Variants in HS6ST3 observed in about 807,000 individuals in gnomAD.
The protein encoded by HS6ST3 is heparan-sulfate 6-O-sulfotransferase 3.
HS6ST3 carries 12 observed loss-of-function variants against 36.7 expected under a neutral mutation model. That is an observed-to-expected ratio of 0.33 (90% CI 0.21 to 0.53). HS6ST3 has a LOEUF of 0.53. HS6ST3 is among the 20% of genes least tolerant of loss of function. HS6ST3 has a pLI of 0.95. For synonymous variants in HS6ST3, 240 were observed against 257.5 expected (o/e 0.93, Z 0.65); for missense variants, 584 against 640.9 (o/e 0.91, Z 0.96).
chr13:96,173,123 TGATA>T (rs2054195968), intron 1 of HS6ST3, among the ~76,000 whole-genome samples: 2 of 152,192 alleles, frequency 1.3e-5, no homozygotes, highest in South Asian at 2.1e-4. Context: ...GAGTCATTGC[TGATA>T]GATATATGTG....
In HS6ST3 at chr13:96,411,315, G is replaced by A. The variant is rs141282844; in HGVS notation, c.707+319746G>A. ...AGCCTGGGAACAGGTGGCTGCAGAGGAGAGAGCATCAAAGCCACACAGAGG... is the reference window on the plus strand; with the variant it reads ...AGCCTGGGAACAGGTGGCTGCAGAGAAGAGAGCATCAAAGCCACACAGAGG... On this transcript the variant is annotated intron_variant, in intron 1 of 1. Transcript: ENST00000376705. Among the ~76,000 whole-genome samples the A allele has an allele frequency of 1.4e-3, 211 of 152,294 alleles. 1 individual carries two copies. Among genetic ancestry groups the A allele is most frequent in the African/African-American group, 4.6e-3 (191 of 41,552 alleles).
At chr13:96,345,617 C>T (rs1594758827) in intron 1 of HS6ST3, among the ~76,000 whole-genome samples, 1 of 152,176 alleles carries the variant, frequency 6.6e-6, no homozygotes, top group African/African-American at 2.4e-5. Flanking sequence ...TCTGTGGCAG[C>T]AATCCCCAAC....
chr13:96,437,889 G>A lies in HS6ST3; in HGVS notation c.707+346320G>A, dbSNP rs2055650943. 2.6e-5 allele frequency among the ~76,000 whole-genome samples: 4 copies of A among 152,174 alleles called. No homozygotes were observed. The South Asian group carries it at 8.3e-4, about 32-fold the overall frequency. On this transcript the variant is annotated intron_variant, in intron 1 of 1. Transcript: ENST00000376705. ...TTCATGTTAAAAAGTATGAGGATTG[G>A]TCTCTTTTCTAATTTTTCTTTCTTG...
chr13:96,807,944 A>G (rs1478279202), intron 1 of HS6ST3, among the ~76,000 whole-genome samples: 2 of 152,128 alleles, frequency 1.3e-5, no homozygotes, highest in Non-Finnish European at 2.9e-5. Context: ...GCCTAGATAT[A>G]CTATTAAATA....
chr13:96,340,475 T>C (rs2055124530), intron 1 of HS6ST3, among the ~76,000 whole-genome samples: 1 of 152,158 alleles, frequency 6.6e-6, no homozygotes. Context: ...GAAGGCAGCA[T>C]TTGAGAAGCA....
chr13:96,473,337 A>G (rs1594787813), intron 1 of HS6ST3, among the ~76,000 whole-genome samples: 1 of 152,226 alleles, frequency 6.6e-6, no homozygotes, highest in East Asian at 1.9e-4. Flanking sequence ...GCATGTATCA[A>G]AAAGAGTTTA....
chr13:96,527,096 T>A (rs942316112), intron 1 of HS6ST3, among the ~76,000 whole-genome samples: 4 of 143,374 alleles, frequency 2.8e-5, no homozygotes, highest in Non-Finnish European at 6.2e-5. Flanking sequence ...TTTTTTTTTT[T>A]ATTGTTTTTT....
chr13:96,582,999 T>C (rs2056347206), intron 1 of HS6ST3, among the ~76,000 whole-genome samples: 1 of 152,074 alleles, frequency 6.6e-6, no homozygotes, highest in African/African-American at 2.4e-5. Flanking sequence ...CTATGTTTTA[T>C]CTGGCCACTC....
chr13:96,719,090 C>T (rs1053160687), intron 1 of HS6ST3, among the ~76,000 whole-genome samples: 12 of 151,962 alleles, frequency 7.9e-5, no homozygotes, highest in African/African-American at 1.9e-4. Context: ...CTGGCTAACA[C>T]GGTTAAACCC....
chr13:96,412,438 G>A (rs1594774684), intron 1 of HS6ST3, among the ~76,000 whole-genome samples: 1 of 152,258 alleles, frequency 6.6e-6, no homozygotes, highest in East Asian at 1.9e-4. Context: ...GAGAGTTTTT[G>A]TAAAGAAAAG....
intron 1 of HS6ST3, among the ~76,000 whole-genome samples, chr13:96,332,042 G>A (rs1365241576): frequency 1.3e-5 from 2 of 152,242 alleles, no homozygotes; most frequent in African/African-American, 2.4e-5. Flanking sequence ...GCTTCGGCTC[G>A]CGCAGGGTGC....
chr13:96,295,050 A>C (rs2054848169), intron 1 of HS6ST3, among the ~76,000 whole-genome samples: 1 of 152,106 alleles, frequency 6.6e-6, no homozygotes, highest in South Asian at 2.1e-4. Flanking sequence ...TCAGGTTTTA[A>C]AAAATAGTAT....
At chr13:96,677,453 G>A (rs1174511489) in intron 1 of HS6ST3, among the ~76,000 whole-genome samples, 2 of 151,692 alleles carry the variant, frequency 1.3e-5, no homozygotes, top group Non-Finnish European at 2.9e-5. Flanking sequence ...GTATTTCTTG[G>A]CATTTTAAAT....
intron 1 of HS6ST3, among the ~76,000 whole-genome samples, chr13:96,743,547 T>C (rs1332519033): frequency 6.6e-6 from 1 of 152,088 alleles, no homozygotes; most frequent in Non-Finnish European, 1.5e-5. Flanking sequence ...ACAGTAGAAA[T>C]GTTACTTAGT....
At chr13:96,318,883 A>G (rs961105412) in intron 1 of HS6ST3, among the ~76,000 whole-genome samples, 1 of 152,204 alleles carries the variant, frequency 6.6e-6, no homozygotes, top group Non-Finnish European at 1.5e-5. Context: ...TTGAAAGAAA[A>G]ACTAATTTTT....
intron 1 of HS6ST3, among the ~76,000 whole-genome samples, chr13:96,396,778 T>C (rs1036560408): frequency 6.6e-6 from 1 of 152,166 alleles, no homozygotes; most frequent in Non-Finnish European, 1.5e-5. Flanking sequence ...AATATCCCCT[T>C]AGGACAATGC....
intron 1 of HS6ST3, among the ~76,000 whole-genome samples, chr13:96,405,742 G>A (rs1428638293): frequency 1.3e-5 from 2 of 152,134 alleles, no homozygotes; most frequent in African/African-American, 2.4e-5. Context: ...GGTGCAAAAG[G>A]CCTGCCAGTG....
intron 1 of HS6ST3, among the ~76,000 whole-genome samples, chr13:96,337,207 T>C (rs11619747): frequency 0.098 from 14,892 of 152,080 alleles, 781 homozygotes; most frequent in Middle Eastern, 0.14. Flanking sequence ...GCTGTGACTA[T>C]AGGCCCCTGC....
chr13:96,194,139 G>T (rs918411868), intron 1 of HS6ST3, among the ~76,000 whole-genome samples: 1 of 152,070 alleles, frequency 6.6e-6, no homozygotes, highest in Non-Finnish European at 1.5e-5. Context: ...CTTATTTGCC[G>T]CCATTCCACA....
Sources: allele counts gnomAD v4.1 joint callset (sites outside exome capture counted in the v4.1 genomes callset), GRCh38; gene constraint gnomAD v4.1.1; transcripts MANE v1.5; gene names NCBI Gene and HGNC (gene_info 2026-07-23, HGNC 2026-07-21).